LIN9: variants seen among roughly 807,000 people sequenced by gnomAD.
LIN9 encodes the protein lin-9 DREAM MuvB core complex component.
A neutral mutation model predicts 78.0 loss-of-function variants in LIN9; 18 were observed. That is an observed-to-expected ratio of 0.23 (90% CI 0.16 to 0.34). The LOEUF is 0.34. Among genes scored for constraint, LIN9 ranks in the 10% least tolerant of loss-of-function variants. The pLI is 1.00. For synonymous variants in LIN9, 192 were observed against 215.2 expected (o/e 0.89, Z 0.94); for missense variants, 451 against 644.1 (o/e 0.70, Z 3.25).
chr1:226,236,882 T>A (rs1223017072), intron 12 of LIN9, among the ~76,000 whole-genome samples: 2 of 152,342 alleles, frequency 1.3e-5, no homozygotes, highest in South Asian at 2.1e-4. Flanking sequence ...TGTTTATTAG[T>A]TGATTGTAGT....
chr1:226,297,318 T>G (rs1296854527), intron 3 of LIN9, among the ~76,000 whole-genome samples: 6 of 152,198 alleles, frequency 3.9e-5, no homozygotes, highest in African/African-American at 1.4e-4. Flanking sequence ...TCATCTCTAC[T>G]TCCCACCTCT....
chr1:226,297,665 T>C (rs1455053122), intron 3 of LIN9, 54 bp downstream of exon 3: 18 of 1,255,452 alleles, frequency 1.4e-5, no homozygotes, highest in East Asian at 2.4e-5. Flanking sequence ...ATGACAATAA[T>C]ACAGACAACT....
At chr1:226,234,693 T>C (rs548967344) in intron 12 of LIN9, among the ~76,000 whole-genome samples, 2 of 151,664 alleles carry the variant, frequency 1.3e-5, no homozygotes, top group African/African-American at 2.4e-5. Flanking sequence ...AGTGTGTTCT[T>C]TGCTATTAGG....
intron 7 of LIN9, among the ~76,000 whole-genome samples, chr1:226,272,401 A>G (rs1174138333): frequency 6.9e-6 from 1 of 143,970 alleles, no homozygotes; most frequent in African/African-American, 2.6e-5. Flanking sequence ...TTTTTTTGAG[A>G]CAGAGTCTAG....
chr1:226,277,712 C>A, intron 7 of LIN9, 63 bp downstream of exon 7: 1 of 1,426,492 alleles, frequency 7.0e-7, no homozygotes, highest in South Asian at 1.2e-5. Context: ...ACCAAAGAAA[C>A]AAAAAAGATT....
rs1368643734 is a variant in LIN9 at position 226,231,171 on chromosome 1, CAATTT to C, written c.*1325_*1329del. ...ATAGAAAATAATAATTTTCATAGAT[CAATTT>C]ATTTAGAATTACAAATATTAAGAAT... On this transcript the variant is annotated 3_prime_UTR_variant, in exon 15 of 15. Transcript: ENST00000681046. The C allele has an allele frequency of 2.6e-5, 4 of 152,476 alleles. No individual in the cohort carries two copies. In the East Asian group the frequency reaches 5.8e-4, roughly 22 times the overall value. The allele number at this position is 152,476 out of a possible 1,614,324, so 9.4% of individuals were successfully genotyped here.
intron 6 of LIN9, among the ~76,000 whole-genome samples, chr1:226,280,757 G>A (rs1027264851): frequency 6.6e-6 from 1 of 152,062 alleles, no homozygotes; most frequent in Non-Finnish European, 1.5e-5. Context: ...CCTGGCAACA[G>A]AGCGAGACTC....
chr1:226,270,009 A>G (rs1576317658), intron 7 of LIN9, among the ~76,000 whole-genome samples: 1 of 151,984 alleles, frequency 6.6e-6, no homozygotes, highest in African/African-American at 2.4e-5. Context: ...TGCAACCTCC[A>G]CCTCCCGGGT....
At chr1:226,244,155 C>T (rs1212280165) in intron 11 of LIN9, among the ~76,000 whole-genome samples, 1 of 147,110 alleles carries the variant, frequency 6.8e-6, no homozygotes, top group Non-Finnish European at 1.5e-5. Context: ...GGATTACAGG[C>T]GTGAGCCACC....
intron 2 of LIN9, among the ~76,000 whole-genome samples, chr1:226,299,332 C>T (rs1013337654): frequency 4.0e-5 from 6 of 151,762 alleles, no homozygotes; most frequent in African/African-American, 1.5e-4. Context: ...GATGAAAACC[C>T]ATCTCTATTA....
In LIN9 at chr1:226,231,261, A is replaced by G. The variant is rs1482397477; in HGVS notation, c.*1240T>C. 1 of 152,598 alleles carries G rather than the reference A, an allele frequency of 6.6e-6. No individual in the cohort carries two copies. The highest frequency in any genetic ancestry group is 1.9e-4 in the East Asian group (1 of 5,206). The allele number at this position is 152,598 out of a possible 1,614,324, so 9.5% of individuals were successfully genotyped here. ...TTTAGCTAAATATAAACTCTGCACT[A>G]AAGTTCTGCAGTGGCACAATACCAA... On this transcript the variant is annotated 3_prime_UTR_variant, in exon 15 of 15. Transcript: ENST00000681046.
chr1:226,309,596 AG>A (rs35658897), upstream of LIN9: 1 of 1,233,074 alleles, frequency 8.1e-7, no homozygotes, highest in Non-Finnish European at 1.1e-6. Flanking sequence ...GCATTGCCCG[AG>A]GGGGCTCTAC....
At chr1:226,286,179 CTAT>C (rs1231869455) in intron 6 of LIN9, among the ~76,000 whole-genome samples, 151 bp downstream of exon 6, 2 of 152,124 alleles carry the variant, frequency 1.3e-5, no homozygotes, top group Non-Finnish European at 2.9e-5. Context: ...AGTGCAGTGA[CTAT>C]TCACAGGTGT....
chr1:226,256,666 C>T (rs910755884), intron 10 of LIN9, among the ~76,000 whole-genome samples: 16 of 151,870 alleles, frequency 1.1e-4, no homozygotes, highest in Admixed American at 9.8e-4. Context: ...TCACAACAGT[C>T]TCCTGCCTCA....
At position 226,277,944 on chromosome 1, in the gene LIN9, T is replaced by C; in HGVS notation, c.525-12A>G. ...ATGCAGAAGAACATCTAGAATAAAT[T>C]ATAAAAAACATACAAACTGATAACT... On this transcript the variant is annotated splice_polypyrimidine_tract_variant and intron_variant, in intron 6 of 14. Transcript: ENST00000681046. 6.3e-7 allele frequency: 1 copy of C among 1,596,662 alleles called. No homozygotes were observed. Among genetic ancestry groups the C allele is most frequent in the South Asian group, 1.1e-5 (1 of 88,426 alleles).
chr1:226,263,024 G>T (rs1659691428), intron 10 of LIN9, among the ~76,000 whole-genome samples: 1 of 152,114 alleles, frequency 6.6e-6, no homozygotes, highest in Non-Finnish European at 1.5e-5. Flanking sequence ...GTAAGTGAAA[G>T]AAACCAATAT....
Position 226,286,444 on chromosome 1 carries a change from C to A in LIN9, c.413G>T (p.Gly138Val). ...TAGACATACACAGAAGTCATTATCA[C>A]CTTCAAAAAGTGGTCTGTAAAACAG... Reference protein sequence around the residue: ...YSNIDKPLFEGDNDFCVCLKE... With the variant: ...YSNIDKPLFEVDNDFCVCLKE... The change falls in exon 6 of 15, where the codon GGT becomes GTT. Residue 138 changes from glycine (G) to valine (V), a missense_variant. Physicochemically the swap from Gly to Val is moderately radical, Grantham distance 109. Coordinates refer to ENST00000681046, the MANE Select transcript of LIN9 (RefSeq NM_001366245.2). 1 of 1,583,324 alleles carries A rather than the reference C, an allele frequency of 6.3e-7. No homozygotes were observed. The highest frequency in any genetic ancestry group is 8.6e-7 in the Non-Finnish European group (1 of 1,160,944).
rs1199895982 is a variant in LIN9 at position 226,233,330 on chromosome 1, T to C, written c.1425+14A>G. On this transcript the variant is annotated intron_variant, in intron 13 of 14. Transcript: ENST00000681046. ...TTTGTGTCAAATTAAGAAAATATTT[T>C]CTCTAAGATTTACCTTAATTTGTAA... 6.3e-7 allele frequency: 1 copy of C among 1,590,134 alleles called. No homozygotes were observed. Among genetic ancestry groups the C allele is most frequent in the East Asian group, 2.2e-5 (1 of 44,466 alleles).
chr1:226,235,720 T>C (rs951768236), intron 12 of LIN9, among the ~76,000 whole-genome samples: 2 of 152,212 alleles, frequency 1.3e-5, no homozygotes, highest in African/African-American at 4.8e-5. Flanking sequence ...AGTAAGTTTA[T>C]GTCACTCCTT....
Sources: allele counts gnomAD v4.1 joint callset (sites outside exome capture counted in the v4.1 genomes callset), GRCh38; gene constraint gnomAD v4.1.1; transcripts MANE v1.5; gene names NCBI Gene and HGNC (gene_info 2026-07-23, HGNC 2026-07-21).